Variants in MCC observed in about 807,000 individuals in gnomAD.
MCC encodes the protein colorectal mutant cancer protein.
A neutral mutation model predicts 116.2 loss-of-function variants in MCC; 90 were observed. The observed-to-expected ratio is 0.77, with a 90% confidence interval of 0.65 to 0.92. The LOEUF is 0.92. Among genes scored for constraint, MCC ranks in the 40% least tolerant of loss-of-function variants. The probability of loss-of-function intolerance (pLI) is 0.00; values close to 1 mark genes in which losing one functional copy is unlikely to be tolerated. For missense variants in MCC, 1,516 were observed against 1,312.2 expected (o/e 1.16, Z -2.40); for synonymous variants, 578 against 510.5 (o/e 1.13, Z -1.78).
chr5:113,302,195 A>C (rs1447152927), intron 3 of MCC, among the ~76,000 whole-genome samples: 1 of 152,234 alleles, frequency 6.6e-6, no homozygotes, highest in South Asian at 2.1e-4. Flanking sequence ...ATGGAAGAAA[A>C]CATTACCACC....
intron 3 of MCC, among the ~76,000 whole-genome samples, chr5:113,275,088 T>A (rs1041962529): frequency 6.6e-6 from 1 of 151,958 alleles, no homozygotes; most frequent in Non-Finnish European, 1.5e-5. Context: ...CCTAAGACCA[T>A]CCTAGCAACC....
chr5:113,247,524 CA>C (rs1157504463), intron 3 of MCC, among the ~76,000 whole-genome samples: 1 of 152,002 alleles, frequency 6.6e-6, no homozygotes, highest in Non-Finnish European at 1.5e-5. Flanking sequence ...AATTTCTTCA[CA>C]TGGAAGTTTT....
At chr5:113,431,425 G>A (rs1770640620) in intron 1 of MCC, among the ~76,000 whole-genome samples, 1 of 152,096 alleles carries the variant, frequency 6.6e-6, no homozygotes, top group South Asian at 2.1e-4. Context: ...CTGGGCACCA[G>A]TCATATTTGA....
chr5:113,092,061 A>G (rs1755683623), intron 8 of MCC, among the ~76,000 whole-genome samples: 1 of 152,228 alleles, frequency 6.6e-6, no homozygotes. Flanking sequence ...ATGCCACTAA[A>G]AAACCTATCA....
chr5:113,084,020 G>T, intron 10 of MCC, 81 bp downstream of exon 10: 1 of 1,067,466 alleles, frequency 9.4e-7, no homozygotes, highest in Non-Finnish European at 1.4e-6. Context: ...ATAGACTTTG[G>T]AAGTTCTTCT....
At chr5:113,425,517 T>A (rs1481968787) in intron 1 of MCC, among the ~76,000 whole-genome samples, 2 of 152,124 alleles carry the variant, frequency 1.3e-5, no homozygotes, top group Non-Finnish European at 2.9e-5. Context: ...TGACAAGAAG[T>A]GAGACTATTG....
intron 3 of MCC, among the ~76,000 whole-genome samples, chr5:113,280,671 G>C (rs1766009277): frequency 2.6e-5 from 4 of 152,160 alleles, no homozygotes; most frequent in Admixed American, 2.6e-4. Flanking sequence ...AGGAAGAAGG[G>C]GCAGTATGAG....
chr5:113,087,074 C>G (rs1175021444), intron 8 of MCC, among the ~76,000 whole-genome samples: 1 of 152,214 alleles, frequency 6.6e-6, no homozygotes, highest in East Asian at 1.9e-4. Flanking sequence ...GGTGCCAGCC[C>G]TGCCGCCAAA....
intron 2 of MCC, among the ~76,000 whole-genome samples, chr5:113,354,926 T>C (rs1214232005): frequency 6.6e-6 from 1 of 151,940 alleles, no homozygotes; most frequent in East Asian, 1.9e-4. Context: ...TAGTCTTTTT[T>C]TCTGTCTCAA....
intron 17 of MCC, among the ~76,000 whole-genome samples, chr5:113,041,379 T>A (rs1191912441): frequency 5.3e-5 from 8 of 152,218 alleles, no homozygotes; most frequent in African/African-American, 7.2e-5. Context: ...GCTCTTTGTA[T>A]ATCAGAAATC....
intron 1 of MCC, among the ~76,000 whole-genome samples, chr5:113,431,862 G>T (rs188206338): frequency 6.0e-4 from 92 of 152,130 alleles, no homozygotes; most frequent in African/African-American, 1.9e-3. Flanking sequence ...TTAGGGCGGG[G>T]TACAGTGGCT....
chr5:113,459,290 T>C (rs1017349393), intron 1 of MCC, among the ~76,000 whole-genome samples: 1 of 151,542 alleles, frequency 6.6e-6, no homozygotes, highest in Non-Finnish European at 1.5e-5. Flanking sequence ...TCCCAGCACT[T>C]TGGGAGGGAG....
intron 2 of MCC, among the ~76,000 whole-genome samples, chr5:113,343,357 A>G (rs1768057099): frequency 6.6e-6 from 1 of 152,216 alleles, no homozygotes; most frequent in Non-Finnish European, 1.5e-5. Context: ...GTTTACTTTA[A>G]TGTTAAAGTC....
intron 3 of MCC, among the ~76,000 whole-genome samples, chr5:113,170,247 A>G (rs755961065): frequency 3.3e-5 from 5 of 152,224 alleles, no homozygotes; most frequent in Non-Finnish European, 5.9e-5. Context: ...AGATGGAGCC[A>G]TAGGGTGCTA....
intron 8 of MCC, among the ~76,000 whole-genome samples, chr5:113,088,522 A>T (rs1275052714): frequency 6.6e-6 from 1 of 151,624 alleles, no homozygotes. Context: ...AGGCAAGATA[A>T]TCTGATTTGG....
intron 3 of MCC, among the ~76,000 whole-genome samples, chr5:113,318,022 A>C (rs1288086134): frequency 6.6e-6 from 1 of 152,232 alleles, no homozygotes; most frequent in Non-Finnish European, 1.5e-5. Context: ...AAGCAAATCA[A>C]TTATGAAGAG....
intron 3 of MCC, among the ~76,000 whole-genome samples, chr5:113,283,412 C>G (rs918181782): frequency 1.3e-5 from 2 of 152,064 alleles, no homozygotes; most frequent in Non-Finnish European, 2.9e-5. Flanking sequence ...CCAATAAACA[C>G]GTGAAGAGAT....
At chr5:113,051,747 C>T in intron 15 of MCC, among the ~76,000 whole-genome samples, 1 of 148,950 alleles carries the variant, frequency 6.7e-6, no homozygotes. Context: ...AACAAACAAA[C>T]AACAACAAAA....
At chr5:113,177,363 G>A (rs531377420) in intron 3 of MCC, among the ~76,000 whole-genome samples, 67 of 152,312 alleles carry the variant, frequency 4.4e-4, no homozygotes, top group Non-Finnish European at 7.9e-4. Flanking sequence ...CCTCTAACAT[G>A]GGAACTATGA....
Sources: gnomAD v4.1 joint callset for allele counts (sites outside exome capture counted in the v4.1 genomes callset) on GRCh38, gnomAD v4.1.1 for gene constraint, MANE v1.5 for transcripts, NCBI Gene and HGNC (gene_info 2026-07-23, HGNC 2026-07-21) for gene names.